Variants in LINGO2 observed in about 807,000 individuals in gnomAD.
The protein encoded by LINGO2 is leucine-rich repeat and immunoglobulin-like domain-containing nogo receptor-interacting protein 2.
Under a neutral mutation model 30.6 loss-of-function variants are expected in LINGO2, and 14 were observed. The ratio of observed to expected loss-of-function variants is 0.46; its 90% CI spans 0.30 to 0.72. LINGO2 has a LOEUF of 0.72. LINGO2 is among the 30% of genes least tolerant of loss of function. LINGO2 has a pLI of 0.07. For missense variants in LINGO2, 729 were observed against 751.7 expected (o/e 0.97, Z 0.35); for synonymous variants, 317 against 288.5 (o/e 1.10, Z -1.00).
intron 1 of LINGO2, among the ~76,000 whole-genome samples, chr9:28,663,986 T>G (rs922236508): frequency 6.6e-6 from 1 of 152,124 alleles, no homozygotes; most frequent in Non-Finnish European, 1.5e-5. Flanking sequence ...ACAATATTCA[T>G]GAGGAACAAA....
chr9:28,681,652 C>T, the LINGO2 span, among the ~76,000 whole-genome samples: 10 of 152,062 alleles, frequency 6.6e-5, no homozygotes, highest in African/African-American at 2.4e-4. Context: ...GCTACACTGG[C>T]TAAATCAATT....
Position 28,436,426 on chromosome 9 carries a change from ATTTATTT to A in LINGO2, c.-279+39507_-279+39513del, listed in dbSNP as rs1823926576. Among the ~76,000 whole-genome samples the A allele has an allele frequency of 2.0e-3, 5 of 2,484 alleles. No homozygotes were observed. The Admixed American group carries it at 0.026, about 13-fold the overall frequency. The allele number at this position is 2,484 out of a possible 152,430, so 1.6% of individuals were successfully genotyped here. ...GAGAGAAGAATAAGGAAGAGAATTT[ATTTATTT>A]ATTTATTTATTTATTTATTTATTTA... On this transcript the variant is annotated intron_variant, in intron 2 of 5. Coordinates refer to ENST00000379992, the Ensembl canonical transcript of LINGO2.
At chr9:28,158,754 T>G (rs954222914) in intron 4 of LINGO2, among the ~76,000 whole-genome samples, 1 of 152,140 alleles carries the variant, frequency 6.6e-6, no homozygotes, top group Non-Finnish European at 1.5e-5. Flanking sequence ...GCACAGCAGC[T>G]TCCAAGGATA....
intron 2 of LINGO2, among the ~76,000 whole-genome samples, chr9:28,399,592 T>C (rs1822180114): frequency 6.6e-6 from 1 of 152,168 alleles, no homozygotes; most frequent in Non-Finnish European, 1.5e-5. Context: ...ATGTTCATCC[T>C]CAGAGTAATC....
At chr9:28,218,013 T>C (rs2133884980) in intron 4 of LINGO2, among the ~76,000 whole-genome samples, 1 of 151,532 alleles carries the variant, frequency 6.6e-6, no homozygotes, top group Admixed American at 6.6e-5. Flanking sequence ...AGATTAAACA[T>C]AAAGTCTAAT....
chr9:28,912,141 T>C, the LINGO2 span, among the ~76,000 whole-genome samples: 1 of 152,160 alleles, frequency 6.6e-6, no homozygotes, highest in Non-Finnish European at 1.5e-5. Flanking sequence ...GATGACTTCA[T>C]GTATGCTCTT....
At chr9:27,961,770 C>G (rs1044779997) in intron 5 of LINGO2, among the ~76,000 whole-genome samples, 15 of 152,126 alleles carry the variant, frequency 9.9e-5, no homozygotes, top group Non-Finnish European at 2.9e-5. Flanking sequence ...AGTGGTTACT[C>G]TCAGGGTCAT....
chr9:27,951,110 T>A (rs1473502436), intron 5 of LINGO2, among the ~76,000 whole-genome samples: 2 of 152,210 alleles, frequency 1.3e-5, no homozygotes, highest in African/African-American at 4.8e-5. Flanking sequence ...TGAGTTTGAA[T>A]CAGTGTCGGC....
At chr9:29,038,121 C>G in the LINGO2 span, among the ~76,000 whole-genome samples, 1 of 151,942 alleles carries the variant, frequency 6.6e-6, no homozygotes, top group Non-Finnish European at 1.5e-5. Flanking sequence ...CAAGAATTCT[C>G]TCTTGGGTAT....
the LINGO2 span, among the ~76,000 whole-genome samples, chr9:28,759,656 T>G: frequency 6.7e-6 from 1 of 150,326 alleles, no homozygotes; most frequent in African/African-American, 2.5e-5. Flanking sequence ...CACTCCAGCC[T>G]GGGCGATAGA....
At chr9:28,569,458 A>G (rs747889638) in intron 1 of LINGO2, among the ~76,000 whole-genome samples, 1 of 151,450 alleles carries the variant, frequency 6.6e-6, no homozygotes, top group African/African-American at 2.4e-5. Context: ...TCAGCCTTCA[A>G]CAATAGGGAA....
intron 2 of LINGO2, among the ~76,000 whole-genome samples, chr9:28,422,093 G>A (rs1823220089): frequency 6.6e-6 from 1 of 151,816 alleles, no homozygotes; most frequent in Non-Finnish European, 1.5e-5. Flanking sequence ...TCAGGACATG[G>A]GATTTGGCAA....
chr9:28,815,830 G>A, the LINGO2 span, among the ~76,000 whole-genome samples: 3 of 152,230 alleles, frequency 2.0e-5, no homozygotes, highest in Non-Finnish European at 4.4e-5. Flanking sequence ...GAAGAAGGCT[G>A]AGTGGATTAA....
chr9:28,449,286 A>G (rs1182997975), intron 2 of LINGO2, among the ~76,000 whole-genome samples: 3 of 151,990 alleles, frequency 2.0e-5, no homozygotes, highest in Non-Finnish European at 1.5e-5. Flanking sequence ...TCAAAGTCCT[A>G]TGGCAGACAA....
intron 2 of LINGO2, among the ~76,000 whole-genome samples, chr9:28,452,239 C>T (rs16913102): frequency 0.024 from 3,710 of 151,442 alleles, 145 homozygotes; most frequent in African/African-American, 0.083. Flanking sequence ...GCAAATTTTA[C>T]TGAGTGCACA....
chr9:28,375,135 T>C (rs75228576), intron 2 of LINGO2, among the ~76,000 whole-genome samples: 1,544 of 81,496 alleles, frequency 0.019, 18 homozygotes, highest in Middle Eastern at 0.046. Flanking sequence ...CACACACACA[T>C]ACACCCCACA....
At chr9:28,347,631 G>C (rs1657525307) in intron 3 of LINGO2, among the ~76,000 whole-genome samples, 1 of 152,122 alleles carries the variant, frequency 6.6e-6, no homozygotes, top group South Asian at 2.1e-4. Flanking sequence ...AATTTTCTTA[G>C]TTACATGTTC....
At chr9:28,122,163 C>T (rs528902677) in intron 4 of LINGO2, among the ~76,000 whole-genome samples, 25 of 152,134 alleles carry the variant, frequency 1.6e-4, no homozygotes, top group South Asian at 4.1e-4. Flanking sequence ...AAGCTTAAAA[C>T]GAAACATTCA....
the LINGO2 span, among the ~76,000 whole-genome samples, chr9:29,022,227 A>T: frequency 6.6e-6 from 1 of 152,202 alleles, no homozygotes; most frequent in Non-Finnish European, 1.5e-5. Context: ...TTTTAATTTT[A>T]TAAGGAAAGG....
Sources: gnomAD v4.1 joint callset for allele counts (sites outside exome capture counted in the v4.1 genomes callset) on GRCh38, gnomAD v4.1.1 for gene constraint, MANE v1.5 for transcripts, NCBI Gene and HGNC (gene_info 2026-07-23, HGNC 2026-07-21) for gene names.